Variants in CCSER1 observed in about 807,000 individuals in gnomAD.
CCSER1 encodes the protein serine-rich coiled-coil domain-containing protein 1.
A neutral mutation model predicts 82.0 loss-of-function variants in CCSER1; 41 were observed. That is an observed-to-expected ratio of 0.50 (90% confidence interval 0.39 to 0.65). The LOEUF (loss-of-function observed/expected upper bound fraction) is 0.65, where lower values mean the gene tolerates loss of function less well. Ranked by LOEUF, CCSER1 falls within the 30% of genes least tolerant of loss-of-function variation. The pLI is 0.00. For missense variants in CCSER1, 1,119 were observed against 1,064.2 expected, an observed-to-expected ratio of 1.05 and a Z score of -0.72; for synonymous variants, 414 against 383.9, an observed-to-expected ratio of 1.08 and a Z score of -0.92.
intron 10 of CCSER1, among the ~76,000 whole-genome samples, chr4:91,371,530 G>T (rs894210904): frequency 6.6e-6 from 1 of 152,060 alleles, no homozygotes; most frequent in Non-Finnish European, 1.5e-5. Context: ...TTGCTGAATA[G>T]TATCCCATTG....
chr4:90,433,394 T>C (rs1026760943), intron 4 of CCSER1, among the ~76,000 whole-genome samples: 1 of 152,148 alleles, frequency 6.6e-6, no homozygotes, highest in Non-Finnish European at 1.5e-5. Flanking sequence ...GGGGATTGAA[T>C]GACAATTATT....
intron 6 of CCSER1, among the ~76,000 whole-genome samples, chr4:90,714,395 G>A (rs922384627): frequency 3.7e-4 from 57 of 152,024 alleles, no homozygotes; most frequent in Non-Finnish European, 2.9e-4. Context: ...TCAGTTAAAT[G>A]TCGTTAATAA....
intron 10 of CCSER1, among the ~76,000 whole-genome samples, chr4:91,468,447 A>G (rs559403862): frequency 1.1e-4 from 17 of 152,096 alleles, no homozygotes; most frequent in Non-Finnish European, 2.2e-4. Flanking sequence ...GCACATGTAT[A>G]CATATGTAAT....
intron 9 of CCSER1, among the ~76,000 whole-genome samples, chr4:90,992,833 G>A (rs1737159005): frequency 6.6e-6 from 1 of 151,818 alleles, no homozygotes; most frequent in African/African-American, 2.4e-5. Context: ...GTAAGACAGG[G>A]AGACCACAGA....
intron 10 of CCSER1, among the ~76,000 whole-genome samples, chr4:91,108,931 G>C (rs1042723458): frequency 6.6e-6 from 1 of 152,258 alleles, no homozygotes; most frequent in South Asian, 2.1e-4. Flanking sequence ...CCCTCACCCA[G>C]TGTGGGTGGG....
intron 9 of CCSER1, among the ~76,000 whole-genome samples, chr4:91,085,186 TATG>T (rs1044040651): frequency 6.6e-6 from 1 of 152,002 alleles, no homozygotes; most frequent in Non-Finnish European, 1.5e-5. Flanking sequence ...TAATTATTAT[TATG>T]TGCTATTCAA....
chr4:90,555,529 G>A (rs1778027200), intron 5 of CCSER1, among the ~76,000 whole-genome samples: 1 of 152,140 alleles, frequency 6.6e-6, no homozygotes, highest in East Asian at 1.9e-4. Flanking sequence ...TTTGATATGA[G>A]ATTGTGCTCT....
chr4:90,313,130 G>A, intron 3 of CCSER1, 83 bp downstream of exon 3: 1 of 1,131,700 alleles, frequency 8.8e-7, no homozygotes, highest in Non-Finnish European at 1.3e-6. Flanking sequence ...AATGAACACA[G>A]ACTACAGGAT....
intron 7 of CCSER1, among the ~76,000 whole-genome samples, chr4:90,804,511 A>G (rs1757252030): frequency 6.6e-6 from 1 of 152,132 alleles, no homozygotes; most frequent in South Asian, 2.1e-4. Flanking sequence ...TTTGTCAAAG[A>G]TCAGATGGTT....
intron 10 of CCSER1, among the ~76,000 whole-genome samples, chr4:91,461,281 T>C (rs1051916035): frequency 6.6e-6 from 1 of 152,218 alleles, no homozygotes; most frequent in African/African-American, 2.4e-5. Flanking sequence ...CTCCATGTTT[T>C]ACTTAGAATT....
chr4:91,344,692 A>C (rs1427031959), intron 10 of CCSER1, among the ~76,000 whole-genome samples: 1 of 152,014 alleles, frequency 6.6e-6, no homozygotes, highest in Non-Finnish European at 1.5e-5. Flanking sequence ...AGAAATAGTG[A>C]ATGGCATTAA....
intron 9 of CCSER1, among the ~76,000 whole-genome samples, chr4:91,039,407 A>C (rs1246567037): frequency 2.0e-5 from 3 of 152,140 alleles, no homozygotes; most frequent in African/African-American, 7.2e-5. Context: ...GTAGTATACA[A>C]CATTGTGTTT....
At chr4:91,336,647 AAC>A (rs1380392548) in intron 10 of CCSER1, among the ~76,000 whole-genome samples, 5 of 152,082 alleles carry the variant, frequency 3.3e-5, no homozygotes, top group African/African-American at 7.2e-5. Context: ...ACAAAAATAA[AAC>A]AGTCTTTCAG....
intron 10 of CCSER1, among the ~76,000 whole-genome samples, chr4:91,500,180 G>A (rs1759133852): frequency 6.6e-6 from 1 of 151,954 alleles, no homozygotes; most frequent in Admixed American, 6.6e-5. Flanking sequence ...TAAGTGTGTA[G>A]TAGTATCTCA....
chr4:90,211,653 A>G (rs1449154764), intron 1 of CCSER1, among the ~76,000 whole-genome samples: 2 of 152,226 alleles, frequency 1.3e-5, no homozygotes, highest in African/African-American at 2.4e-5. Flanking sequence ...AAATACAGTC[A>G]GCCACAACAG....
intron 7 of CCSER1, among the ~76,000 whole-genome samples, chr4:90,728,543 T>G (rs57497202): frequency 7.9e-5 from 12 of 151,962 alleles, no homozygotes; most frequent in African/African-American, 2.9e-4. Context: ...TTTCAAAAAA[T>G]TTTTTTGTAG....
chr4:91,093,402 C>T (rs1446257962), intron 10 of CCSER1, among the ~76,000 whole-genome samples: 4 of 152,246 alleles, frequency 2.6e-5, no homozygotes, highest in African/African-American at 4.8e-5. Flanking sequence ...TTACAGACCT[C>T]AATGGTTATG....
At chr4:90,252,685 A>G (rs1201875595) in intron 1 of CCSER1, among the ~76,000 whole-genome samples, 1 of 151,908 alleles carries the variant, frequency 6.6e-6, no homozygotes, top group Non-Finnish European at 1.5e-5. Flanking sequence ...ATTATTGATT[A>G]TAGTGCCCCT....
intron 1 of CCSER1, among the ~76,000 whole-genome samples, chr4:90,158,935 C>T (rs1175416968): frequency 6.6e-6 from 1 of 152,142 alleles, no homozygotes; most frequent in African/African-American, 2.4e-5. Context: ...CCCAGTACCT[C>T]AGATGGAAAT....
Sources: gnomAD v4.1 joint callset for allele counts (sites outside exome capture counted in the v4.1 genomes callset) on GRCh38, gnomAD v4.1.1 for gene constraint, MANE v1.5 for transcripts, NCBI Gene and HGNC (gene_info 2026-07-23, HGNC 2026-07-21) for gene names.